Variants in ADGRL2 observed in about 807,000 individuals in gnomAD.
ADGRL2 encodes adhesion G protein-coupled receptor L2, also known as calcium-independent alpha-latrotoxin receptor 2.
In ADGRL2, 44 loss-of-function variants were observed where a neutral mutation model predicts 157.4. The ratio of observed to expected loss-of-function variants is 0.28; its 90% CI spans 0.22 to 0.36. The LOEUF is 0.36. Ranked by LOEUF, ADGRL2 falls within the 10% of genes least tolerant of loss-of-function variation. The probability of loss-of-function intolerance (pLI) is 1.00; values close to 1 mark genes in which losing one functional copy is unlikely to be tolerated. For missense variants in ADGRL2, 1,510 were observed against 1,768.9 expected (o/e 0.85, Z 2.63); for synonymous variants, 585 against 624.7 (o/e 0.94, Z 0.95).
chr1:81,551,041 T>C (rs967795503), intron 2 of ADGRL2, among the ~76,000 whole-genome samples: 5 of 152,140 alleles, frequency 3.3e-5, no homozygotes, highest in African/African-American at 1.2e-4. Context: ...TCTTAGAAGA[T>C]GTACTGAGAC....
At position 81,550,842 on chromosome 1, in the gene ADGRL2, T is replaced by A. The variant is rs536815542; in HGVS notation, c.-247-30034T>A. Among the ~76,000 whole-genome samples the A allele has an allele frequency of 2.0e-3, 294 of 148,528 alleles. 2 individuals carry two copies. The highest frequency in any genetic ancestry group is 7.1e-3 in the African/African-American group (288 of 40,434). The stretch of plus-strand genomic sequence containing the variant: ...CTCTTTACAGAAAAAAAAAAAAAAA[T>A]TCATTACTGCCTATATTCAGATGAT... On this transcript the variant is annotated intron_variant, in intron 2 of 24. Transcript: ENST00000370721.
At chr1:81,482,902 A>G (rs1257094854) in intron 2 of ADGRL2, among the ~76,000 whole-genome samples, 1 of 151,958 alleles carries the variant, frequency 6.6e-6, no homozygotes, top group Non-Finnish European at 1.5e-5. Context: ...ACACAGAAAC[A>G]TCCTGTACAC....
At chr1:81,459,100 T>G (rs761221633) in intron 2 of ADGRL2, among the ~76,000 whole-genome samples, 13 of 152,102 alleles carry the variant, frequency 8.5e-5, no homozygotes, top group Non-Finnish European at 1.5e-4. Context: ...GGGCTCAGAA[T>G]ATGGGAGTGT....
intron 2 of ADGRL2, among the ~76,000 whole-genome samples, chr1:81,500,693 G>A (rs2078826767): frequency 6.6e-6 from 1 of 152,224 alleles, no homozygotes. Context: ...CAGAGTTTCA[G>A]TTGGTATGAT....
At chr1:81,989,500 A>G (rs1233061202) in intron 23 of ADGRL2, among the ~76,000 whole-genome samples, 1 of 152,174 alleles carries the variant, frequency 6.6e-6, no homozygotes, top group African/African-American at 2.4e-5. Context: ...GATTATTAGT[A>G]CCAAATACTC....
chr1:81,448,242 T>C (rs2077638405), intron 2 of ADGRL2, among the ~76,000 whole-genome samples: 1 of 146,718 alleles, frequency 6.8e-6, no homozygotes, highest in Admixed American at 7.0e-5. Context: ...CCTCCCAGGT[T>C]CAAGCGATTT....
In ADGRL2 at chr1:81,801,085, G is replaced by A. The variant is rs1251373240; in HGVS notation, c.-101+17G>A. ...CTCGAGCCCGTAAGTATCCCCTTTC[G>A]CTCCTCCTCCCCGCCGCTTGGGCGC... On this transcript the variant is annotated intron_variant, in intron 1 of 23. Coordinates refer to ENST00000686636, the MANE Select transcript of ADGRL2 (RefSeq NM_001366006.2). Among the ~76,000 whole-genome samples, 1 of 152,018 alleles carries A rather than the reference G, an allele frequency of 6.6e-6. No individual in the cohort carries two copies. Among genetic ancestry groups the A allele is most frequent in the Admixed American group, 6.5e-5 (1 of 15,276 alleles).
chr1:81,720,164 A>G (rs903302208), intron 1 of ADGRL2, among the ~76,000 whole-genome samples: 28 of 151,586 alleles, frequency 1.8e-4, no homozygotes, highest in African/African-American at 6.3e-4. Context: ...TGAAATTAAA[A>G]GCATTCCTTT....
chr1:81,730,488 C>T (rs569828957), intron 1 of ADGRL2, among the ~76,000 whole-genome samples: 19 of 152,028 alleles, frequency 1.2e-4, no homozygotes, highest in Non-Finnish European at 2.4e-4. Flanking sequence ...CTAGGGAGGC[C>T]GAGGTGAGTG....
intron 2 of ADGRL2, among the ~76,000 whole-genome samples, chr1:81,567,675 G>A (rs562398605): frequency 2.0e-5 from 3 of 152,016 alleles, no homozygotes; most frequent in Non-Finnish European, 2.9e-5. Context: ...CCATTTGTCC[G>A]CTGTGTTTGG....
At chr1:81,815,760 A>G (rs2090337171) in intron 1 of ADGRL2, among the ~76,000 whole-genome samples, 1 of 151,730 alleles carries the variant, frequency 6.6e-6, no homozygotes, top group Non-Finnish European at 1.5e-5. Flanking sequence ...TAATTTTCTT[A>G]TATTGTGTTA....
intron 2 of ADGRL2, among the ~76,000 whole-genome samples, chr1:81,872,583 C>T (rs2093726972): frequency 6.6e-6 from 1 of 152,006 alleles, no homozygotes; most frequent in African/African-American, 2.4e-5. Context: ...AGAGATTAAT[C>T]AAGTGTTGGT....
At chr1:81,629,792 T>C (rs2081978022) in intron 3 of ADGRL2, among the ~76,000 whole-genome samples, 2 of 152,016 alleles carry the variant, frequency 1.3e-5, no homozygotes, top group Admixed American at 1.3e-4. Flanking sequence ...GGTTTTGCTA[T>C]GTTGCTCAGG....
chr1:81,830,126 A>G (rs1385675570), intron 1 of ADGRL2, among the ~76,000 whole-genome samples: 1 of 152,182 alleles, frequency 6.6e-6, no homozygotes, highest in African/African-American at 2.4e-5. Context: ...TTTAATTCTC[A>G]TAAGATTATT....
chr1:81,638,696 A>G (rs1557526967), intron 3 of ADGRL2, among the ~76,000 whole-genome samples: 2 of 152,218 alleles, frequency 1.3e-5, no homozygotes, highest in Admixed American at 1.3e-4. Flanking sequence ...TGATATGCTG[A>G]TAAAGGAGAG....
At chr1:81,707,078 G>A (rs946476826) in intron 1 of ADGRL2, among the ~76,000 whole-genome samples, 3 of 152,152 alleles carry the variant, frequency 2.0e-5, no homozygotes, top group Non-Finnish European at 2.9e-5. Context: ...GGTCTGCCGC[G>A]CTATTTTACC....
chr1:81,929,995 T>C (rs971841771), intron 3 of ADGRL2, among the ~76,000 whole-genome samples: 1 of 152,170 alleles, frequency 6.6e-6, no homozygotes, highest in Non-Finnish European at 1.5e-5. Flanking sequence ...GGACTCACAA[T>C]TAAGTAAGCA....
chr1:81,613,918 T>C (rs2081592510), intron 3 of ADGRL2, among the ~76,000 whole-genome samples: 1 of 152,228 alleles, frequency 6.6e-6, no homozygotes, highest in African/African-American at 2.4e-5. Context: ...AAATTCTTTA[T>C]ATCCTTTTGT....
At chr1:81,989,467 C>T (rs1263053926) in intron 23 of ADGRL2, among the ~76,000 whole-genome samples, 1 of 152,024 alleles carries the variant, frequency 6.6e-6, no homozygotes, top group African/African-American at 2.4e-5. Context: ...CCACTAGAAG[C>T]CTGGGGCCAT....
Sources: gnomAD v4.1 joint callset for allele counts (sites outside exome capture counted in the v4.1 genomes callset) on GRCh38, gnomAD v4.1.1 for gene constraint, MANE v1.5 for transcripts, NCBI Gene and HGNC (gene_info 2026-07-23, HGNC 2026-07-21) for gene names.